Variants in N4BP1 observed in about 807,000 individuals in gnomAD.
The protein encoded by N4BP1 is NEDD4-binding protein 1.
N4BP1 carries 21 observed loss-of-function variants against 70.9 expected under a neutral mutation model. The observed-to-expected ratio is 0.30, with a 90% CI of 0.21 to 0.43. N4BP1 has a LOEUF of 0.43. N4BP1 is among the 20% of genes least tolerant of loss of function. The pLI, the probability that N4BP1 is intolerant of heterozygous loss-of-function variation, is 1.00. For synonymous variants in N4BP1, 387 were observed against 394.6 expected (o/e 0.98, Z 0.23); for missense variants, 936 against 1,069.4 (o/e 0.88, Z 1.74).
chr16:48,576,271 T>C (rs1018815099), intron 1 of N4BP1, among the ~76,000 whole-genome samples: 1 of 152,212 alleles, frequency 6.6e-6, no homozygotes, highest in Non-Finnish European at 1.5e-5. Flanking sequence ...AAATTAATAA[T>C]GCCTTTATTA....
intron 1 of N4BP1, among the ~76,000 whole-genome samples, chr16:48,586,052 C>T: frequency 6.6e-6 from 1 of 152,178 alleles, no homozygotes; most frequent in Admixed American, 6.5e-5. Context: ...AGCATAACTT[C>T]CAAGATCATT....
intron 1 of N4BP1, among the ~76,000 whole-genome samples, chr16:48,567,134 A>G (rs911480483): frequency 1.3e-5 from 2 of 152,160 alleles, no homozygotes; most frequent in African/African-American, 4.8e-5. Flanking sequence ...TAATTTCATT[A>G]TATGTTTTTA....
intron 1 of N4BP1, among the ~76,000 whole-genome samples, chr16:48,591,499 C>T (rs549248800): frequency 2.6e-4 from 40 of 152,048 alleles, no homozygotes; most frequent in African/African-American, 9.2e-4. Context: ...AGTTCAAAAG[C>T]CAGAAATATT....
intron 1 of N4BP1, among the ~76,000 whole-genome samples, chr16:48,572,093 G>A (rs1964027445): frequency 1.3e-5 from 2 of 152,080 alleles, no homozygotes; most frequent in Non-Finnish European, 2.9e-5. Flanking sequence ...CCAGCCACCC[G>A]GAGACTGAGG....
intron 3 of N4BP1, among the ~76,000 whole-genome samples, chr16:48,552,119 T>C (rs1418488319): frequency 2.6e-5 from 4 of 152,102 alleles, no homozygotes; most frequent in Non-Finnish European, 5.9e-5. Flanking sequence ...GATCTAGGGA[T>C]AGGAGGGGCA....
At chr16:48,591,162 T>C (rs1346684207) in intron 1 of N4BP1, among the ~76,000 whole-genome samples, 2 of 152,194 alleles carry the variant, frequency 1.3e-5, no homozygotes, top group South Asian at 2.1e-4. Context: ...GGAAGAGCAA[T>C]AGAACCTGCT....
chr16:48,554,283 C>T (rs185154808), intron 2 of N4BP1, among the ~76,000 whole-genome samples: 1 of 152,158 alleles, frequency 6.6e-6, no homozygotes, highest in Admixed American at 6.5e-5. Flanking sequence ...TCTGTCATAC[C>T]ACCCAACTCT....
At chr16:48,573,118 A>G (rs1964044642) in intron 1 of N4BP1, among the ~76,000 whole-genome samples, 1 of 151,920 alleles carries the variant, frequency 6.6e-6, no homozygotes, top group African/African-American at 2.4e-5. Context: ...CAAAAAAAAA[A>G]AAAAAGAAAA....
At chr16:48,544,131 G>A (rs1963554961) in intron 6 of N4BP1, among the ~76,000 whole-genome samples, 1 of 152,210 alleles carries the variant, frequency 6.6e-6, no homozygotes. Flanking sequence ...ATGGACTGAT[G>A]AGCACAGCAG....
intron 1 of N4BP1, chr16:48,600,705 T>C (rs1461285673): frequency 1.1e-5 from 4 of 380,168 alleles, no homozygotes; most frequent in South Asian, 2.4e-5. Flanking sequence ...CTTTGGAGAC[T>C]TGGAACTGCT....
intron 1 of N4BP1, among the ~76,000 whole-genome samples, chr16:48,585,339 G>GA: frequency 6.6e-6 from 1 of 151,662 alleles, no homozygotes; most frequent in African/African-American, 2.4e-5. Context: ...TTATGATTAT[G>GA]AAAAATATAA....
chr16:48,561,713 T>G lies in N4BP1; in HGVS notation c.930A>C (p.Leu310Phe). 1 of 1,612,488 alleles carries G rather than the reference T, an allele frequency of 6.2e-7. No homozygotes were observed. Among genetic ancestry groups the G allele is most frequent in the Non-Finnish European group, 8.5e-7 (1 of 1,179,880 alleles). The change falls in exon 2 of 7, where the codon TTA becomes TTC. Residue 310 changes from leucine (L) to phenylalanine (F), a missense_variant. Coordinates refer to ENST00000262384, the MANE Select transcript of N4BP1 (RefSeq NM_153029.4). ...SLENVQEGEI[L>F]HDAKTLAGNV... ...TTCCAGCCAATGTCTTAGCATCGTG[T>G]AAAATCTCCCCCTCCTGAACATTTT...
intron 1 of N4BP1, among the ~76,000 whole-genome samples, chr16:48,588,290 T>C (rs1964278321): frequency 7.4e-6 from 1 of 134,936 alleles, no homozygotes; most frequent in Non-Finnish European, 1.5e-5. Context: ...TCATACTATG[T>C]TTTCTTTTTT....
chr16:48,542,814 T>A lies in N4BP1; in HGVS notation c.*90A>T, dbSNP rs1182429368. On this transcript the variant is annotated 3_prime_UTR_variant, in exon 7 of 7. Coordinates refer to ENST00000262384, the MANE Select transcript of N4BP1 (RefSeq NM_153029.4). ...GCGTTTACACTGGGAAATAAGTTTC[T>A]TCACATTATGTTCATTCCCATCAGG... is the stretch of plus-strand genomic sequence containing the variant. The A allele has an allele frequency of 2.6e-6, 3 of 1,174,356 alleles. No homozygotes were observed. In the African/African-American group the frequency reaches 4.6e-5, roughly 18 times the overall value. The allele number at this position is 1,174,356 out of a possible 1,614,324, so 72.7% of individuals were successfully genotyped here. A position where few individuals can be genotyped will look rare whatever the true frequency, so the allele number is the denominator to read the frequency against.
intron 3 of N4BP1, among the ~76,000 whole-genome samples, chr16:48,552,225 A>G (rs773040109): frequency 8.5e-5 from 13 of 152,124 alleles, no homozygotes; most frequent in Non-Finnish European, 1.5e-4. Context: ...GTCCATACAA[A>G]TATTTGCCAG....
intron 1 of N4BP1, 114 bp from the exon 2 acceptor site, chr16:48,562,558 T>A (rs532412038): frequency 2.3e-6 from 2 of 854,426 alleles, no homozygotes. Context: ...ACAAGCATGT[T>A]TGTAATTTTG....
chr16:48,548,873 CT>C (rs1300382628), intron 4 of N4BP1, among the ~76,000 whole-genome samples: 3 of 151,002 alleles, frequency 2.0e-5, no homozygotes, highest in African/African-American at 7.3e-5. Flanking sequence ...TAGGTTCACA[CT>C]GCTCTGATTT....
intron 4 of N4BP1, among the ~76,000 whole-genome samples, chr16:48,548,859 T>A (rs752992795): frequency 4.0e-4 from 58 of 144,142 alleles, no homozygotes; most frequent in South Asian, 1.9e-3. Flanking sequence ...AAAAAAAAAA[T>A]TCATAGGTTC....
At chr16:48,597,234 T>C (rs1964428016) in intron 1 of N4BP1, among the ~76,000 whole-genome samples, 1 of 152,340 alleles carries the variant, frequency 6.6e-6, no homozygotes, top group South Asian at 2.1e-4. Context: ...AAATCAGCTT[T>C]GTCTAGGCAG....
Sources: allele counts gnomAD v4.1 joint callset (sites outside exome capture counted in the v4.1 genomes callset), GRCh38; gene constraint gnomAD v4.1.1; transcripts MANE v1.5; gene names NCBI Gene and HGNC (gene_info 2026-07-23, HGNC 2026-07-21).